Variants in MYO1E observed in about 807,000 individuals in gnomAD.
MYO1E encodes the protein myosin IE, also known as unconventional myosin-Ie.
MYO1E carries 68 observed loss-of-function variants against 151.1 expected under a neutral mutation model. The ratio of observed to expected loss-of-function variants is 0.45; its 90% CI spans 0.37 to 0.55. MYO1E has a LOEUF of 0.55. Among genes scored for constraint, MYO1E ranks in the 20% least tolerant of loss-of-function variants. MYO1E has a pLI of 0.00. For synonymous variants in MYO1E, 601 were observed against 501.7 expected, an observed-to-expected ratio of 1.20 and a Z score of -2.64; for missense variants, 1,363 against 1,389.3, an observed-to-expected ratio of 0.98 and a Z score of 0.30.
In MYO1E at chr15:59,167,752, C is replaced by T. The variant is rs189150258; in HGVS notation, c.2480+4145G>A. On this transcript the variant is annotated intron_variant, in intron 22 of 27. Transcript: ENST00000288235. ...AGTGCAGTGGTGTGATCTTGGCTCA[C>T]TGCACCCTCCGCCTCCTGGGCTCAA... 3.9e-5 allele frequency among the ~76,000 whole-genome samples: 6 copies of T among 152,342 alleles called. No homozygotes were observed. The East Asian group carries it at 5.8e-4, about 15-fold the overall frequency.
chr15:59,216,012 T>C (rs2140343963), intron 10 of MYO1E, among the ~76,000 whole-genome samples: 1 of 152,260 alleles, frequency 6.6e-6, no homozygotes, highest in Non-Finnish European at 1.5e-5. Flanking sequence ...TCCCAAGCAA[T>C]GTTATCCTTT....
intron 10 of MYO1E, among the ~76,000 whole-genome samples, chr15:59,215,953 G>A (rs749264092): frequency 1.3e-5 from 2 of 152,000 alleles, no homozygotes; most frequent in Non-Finnish European, 2.9e-5. Context: ...TAAAATGAGG[G>A]GTCTGGACAA....
intron 2 of MYO1E, chr15:59,265,132 T>C (rs2080245801): frequency 6.6e-6 from 1 of 152,252 alleles, no homozygotes; most frequent in African/African-American, 2.4e-5. Context: ...AAGAGGAAGA[T>C]GTTTATTTCA....
At chr15:59,260,950 C>A (rs756934175) in intron 3 of MYO1E, among the ~76,000 whole-genome samples, 1 of 152,054 alleles carries the variant, frequency 6.6e-6, no homozygotes, top group Non-Finnish European at 1.5e-5. Context: ...ATTGGCCAGG[C>A]GTGGTGGCTC....
chr15:59,196,427 G>A (rs2079766725), intron 16 of MYO1E, among the ~76,000 whole-genome samples: 1 of 152,132 alleles, frequency 6.6e-6, no homozygotes, highest in Non-Finnish European at 1.5e-5. Flanking sequence ...CACACCCTGT[G>A]GGTCCAAGGA....
chr15:59,229,484 G>A (rs1255441637), intron 6 of MYO1E, among the ~76,000 whole-genome samples: 5 of 152,190 alleles, frequency 3.3e-5, no homozygotes, highest in African/African-American at 1.2e-4. Flanking sequence ...TAGGACTGCT[G>A]TATAGCAGCC....
chr15:59,369,599 T>G (rs2080933117), intron 1 of MYO1E, among the ~76,000 whole-genome samples: 1 of 152,166 alleles, frequency 6.6e-6, no homozygotes, highest in South Asian at 2.1e-4. Flanking sequence ...CTCCACTAAA[T>G]TATAAAGATG....
chr15:59,182,178 T>C (rs1027297731), intron 18 of MYO1E, among the ~76,000 whole-genome samples: 3 of 152,192 alleles, frequency 2.0e-5, no homozygotes, highest in East Asian at 1.9e-4. Context: ...AAATAATTTC[T>C]TTCCAAACTT....
chr15:59,286,551 C>T (rs112137796), intron 1 of MYO1E, among the ~76,000 whole-genome samples: 7 of 152,182 alleles, frequency 4.6e-5, no homozygotes, highest in African/African-American at 1.7e-4. Flanking sequence ...TGTGTCTGGA[C>T]GTGCTAAGCG....
intron 6 of MYO1E, among the ~76,000 whole-genome samples, chr15:59,230,283 T>C (rs184888248): frequency 6.7e-6 from 1 of 150,188 alleles, no homozygotes; most frequent in East Asian, 2.0e-4. Flanking sequence ...AATTGTCTCT[T>C]CCAATCTTTC....
At chr15:59,270,305 A>G (rs1180689438) in intron 2 of MYO1E, among the ~76,000 whole-genome samples, 2 of 152,148 alleles carry the variant, frequency 1.3e-5, no homozygotes, top group Non-Finnish European at 2.9e-5. Context: ...TAGTCCTAGC[A>G]CTTTGGAAGG....
chr15:59,199,055 G>T (rs1288324097), intron 16 of MYO1E, among the ~76,000 whole-genome samples: 1 of 152,116 alleles, frequency 6.6e-6, no homozygotes, highest in Non-Finnish European at 1.5e-5. Flanking sequence ...GGGAAGGGAA[G>T]TGTTTCGGAT....
chr15:59,337,303 T>C (rs1345833273), intron 1 of MYO1E, among the ~76,000 whole-genome samples: 1 of 152,172 alleles, frequency 6.6e-6, no homozygotes, highest in African/African-American at 2.4e-5. Flanking sequence ...AAACAAAACA[T>C]AAGGCAGGCA....
At chr15:59,315,166 G>A (rs1196093514) in intron 1 of MYO1E, among the ~76,000 whole-genome samples, 1 of 152,084 alleles carries the variant, frequency 6.6e-6, no homozygotes. Context: ...CCCCTTCCTT[G>A]GATGTTGTGA....
intron 1 of MYO1E, among the ~76,000 whole-genome samples, chr15:59,326,372 A>T (rs1309641991): frequency 6.6e-6 from 1 of 152,100 alleles, no homozygotes; most frequent in Non-Finnish European, 1.5e-5. Flanking sequence ...CAAAAAAAAA[A>T]ATTAGCCAGG....
chr15:59,272,405 G>A lies in MYO1E; in HGVS notation c.48C>T (p.Val16=), dbSNP rs1169363807. 2.5e-6 allele frequency: 4 copies of A among 1,614,112 alleles called. No individual in the cohort carries two copies. The highest frequency in any genetic ancestry group is 3.4e-6 in the Non-Finnish European group (4 of 1,179,912). ...CCATGTCGTCCACACCACTGTGCTT[G>A]ACATTGTGGCTTTGCCAGTGGTACT... The part of the protein sequence containing the change: ...VYQYHWQSHN[V]KHSGVDDMVL... The change falls in exon 2 of 28, where the codon GTC becomes GTT. Residue 16 remains valine, a synonymous_variant. Transcript: ENST00000288235.
At chr15:59,361,820 TTTAATTAATTTA>T (rs1282841522) in intron 1 of MYO1E, among the ~76,000 whole-genome samples, 1 of 152,120 alleles carries the variant, frequency 6.6e-6, no homozygotes, top group Non-Finnish European at 1.5e-5. Flanking sequence ...TGTGGATTTT[TTTAATTAATTTA>T]TTAATTAATT....
intron 1 of MYO1E, among the ~76,000 whole-genome samples, chr15:59,315,236 T>C (rs1401111393): frequency 6.6e-6 from 1 of 152,118 alleles, no homozygotes; most frequent in Non-Finnish European, 1.5e-5. Flanking sequence ...ATAGCTTCCA[T>C]TACATGTGCC....
intron 26 of MYO1E, among the ~76,000 whole-genome samples, chr15:59,149,397 T>C (rs1329282830): frequency 4.6e-5 from 7 of 152,168 alleles, no homozygotes; most frequent in African/African-American, 1.7e-4. Flanking sequence ...CCTCTTCCCT[T>C]TCCTTGAGAA....
Sources: gnomAD v4.1 joint callset for allele counts (sites outside exome capture counted in the v4.1 genomes callset) on GRCh38, gnomAD v4.1.1 for gene constraint, MANE v1.5 for transcripts, NCBI Gene and HGNC (gene_info 2026-07-23, HGNC 2026-07-21) for gene names.